ASIC2: variants seen among roughly 807,000 people sequenced by gnomAD.
ASIC2 encodes the protein acid-sensing ion channel 2.
ASIC2 carries 25 observed loss-of-function variants against 57.3 expected under a neutral mutation model. The observed-to-expected ratio is 0.44, with a 90% CI of 0.32 to 0.61. ASIC2 has a LOEUF of 0.61. Among genes scored for constraint, ASIC2 ranks in the 20% least tolerant of loss-of-function variants. ASIC2 has a pLI of 0.06. For missense variants in ASIC2, 641 were observed against 738.1 expected, an observed-to-expected ratio of 0.87 and a Z score of 1.52; for synonymous variants, 319 against 307.5, an observed-to-expected ratio of 1.04 and a Z score of -0.39.
chr17:33,861,078 G>C (rs1466098141), intron 1 of ASIC2, among the ~76,000 whole-genome samples: 1 of 152,072 alleles, frequency 6.6e-6, no homozygotes, highest in South Asian at 2.1e-4. Flanking sequence ...AATAATTCTT[G>C]AAAAGAAAGT....
chr17:34,120,788 G>C (rs1911595488), intron 1 of ASIC2, among the ~76,000 whole-genome samples: 1 of 140,928 alleles, frequency 7.1e-6, no homozygotes, highest in South Asian at 2.4e-4. Flanking sequence ...ACCCAGGCTG[G>C]AGTACAATGG....
chr17:33,756,196 A>G (rs1476876710), intron 1 of ASIC2, among the ~76,000 whole-genome samples: 1 of 152,246 alleles, frequency 6.6e-6, no homozygotes, highest in Non-Finnish European at 1.5e-5. Flanking sequence ...ACCACAGGTC[A>G]TCAATGTCTC....
intron 1 of ASIC2, among the ~76,000 whole-genome samples, chr17:33,223,582 G>C (rs1366166261): frequency 6.6e-6 from 1 of 152,244 alleles, no homozygotes; most frequent in African/African-American, 2.4e-5. Flanking sequence ...AAATTAATTA[G>C]TGTACTTTGT....
intron 1 of ASIC2, among the ~76,000 whole-genome samples, chr17:33,813,161 G>A (rs917750544): frequency 6.6e-6 from 1 of 152,122 alleles, no homozygotes; most frequent in Admixed American, 6.5e-5. Context: ...AAGGCCTGTA[G>A]AAATTAGATT....
chr17:33,163,611 C>T (rs992441311), intron 1 of ASIC2, among the ~76,000 whole-genome samples: 10 of 152,046 alleles, frequency 6.6e-5, no homozygotes, highest in Non-Finnish European at 1.3e-4. Flanking sequence ...AACAAGTGTT[C>T]GTTGTACATT....
intron 1 of ASIC2, among the ~76,000 whole-genome samples, chr17:34,030,785 C>A (rs2142036605): frequency 6.6e-6 from 1 of 152,290 alleles, no homozygotes; most frequent in South Asian, 2.1e-4. Flanking sequence ...GATCAAACTG[C>A]AAGGCAGCAG....
chr17:33,449,418 C>T (rs2141989167), intron 1 of ASIC2, among the ~76,000 whole-genome samples: 1 of 152,274 alleles, frequency 6.6e-6, no homozygotes, highest in East Asian at 1.9e-4. Context: ...GTAGCTTCTC[C>T]ATCAAGATGT....
chr17:33,097,957 G>C (rs894307103), intron 2 of ASIC2, among the ~76,000 whole-genome samples: 2 of 152,152 alleles, frequency 1.3e-5, no homozygotes, highest in African/African-American at 4.8e-5. Flanking sequence ...AGGAAAACAC[G>C]GGCTCTGAAA....
intron 1 of ASIC2, among the ~76,000 whole-genome samples, chr17:33,376,904 C>CCGG (rs1909298505): frequency 6.6e-6 from 1 of 152,184 alleles, no homozygotes; most frequent in East Asian, 1.9e-4. Context: ...TCAATTCTCA[C>CCGG]AATCACCCCG....
intron 1 of ASIC2, among the ~76,000 whole-genome samples, chr17:33,194,644 GGGATATCAATCTGTTATTCCC>G (rs1906556126): frequency 3.0e-5 from 4 of 134,360 alleles, no homozygotes; most frequent in Non-Finnish European, 6.4e-5. Context: ...TTTCCAGATT[GGGATATCAATCTGTTATTCCC>G]AGATTGGGAA....
Position 34,156,629 on chromosome 17 carries a change from G to C in ASIC2, c.-97C>G, listed in dbSNP as rs1266974849. ...CTCTGCTTAAACCTTGACGTTCAGG[G>C]GAGAGAACGCAAGGCAAGCATCGCG... On this transcript the variant is annotated 5_prime_UTR_variant, in exon 1 of 10. Coordinates refer to the ASIC2 transcript ENST00000359872. This position sits in a 1 kb window ranked among gnomAD's most constrained non-coding sequence, Gnocchi z 4.4. 2.3e-6 allele frequency: 3 copies of C among 1,310,844 alleles called. No homozygotes were observed. The African/African-American group carries it at 4.5e-5, about 19-fold the overall frequency. The allele number at this position is 1,310,844 out of a possible 1,614,324, so 81.2% of individuals were successfully genotyped here.
At chr17:33,390,985 G>A (rs1471865029) in intron 1 of ASIC2, among the ~76,000 whole-genome samples, 1 of 152,218 alleles carries the variant, frequency 6.6e-6, no homozygotes, top group East Asian at 1.9e-4. Context: ...GCTGCATGCT[G>A]CTTTCTCCAG....
chr17:33,885,043 A>G (rs1914796997), intron 1 of ASIC2, among the ~76,000 whole-genome samples: 1 of 152,088 alleles, frequency 6.6e-6, no homozygotes, highest in African/African-American at 2.4e-5. Context: ...AGCCTCATCT[A>G]TTTTTGCCCT....
At chr17:33,979,686 G>A (rs989790699) in intron 1 of ASIC2, among the ~76,000 whole-genome samples, 1 of 152,172 alleles carries the variant, frequency 6.6e-6, no homozygotes, top group Non-Finnish European at 1.5e-5. Flanking sequence ...CAGAGCTAGA[G>A]TGAACCATGT....
At chr17:33,092,044 G>A (rs548666116) in intron 2 of ASIC2, among the ~76,000 whole-genome samples, 2 of 152,198 alleles carry the variant, frequency 1.3e-5, no homozygotes. Flanking sequence ...CAGAGCTGAG[G>A]GGGTGACGAG....
intron 1 of ASIC2, among the ~76,000 whole-genome samples, chr17:33,119,028 G>T (rs568533471): frequency 6.6e-6 from 1 of 152,148 alleles, no homozygotes; most frequent in East Asian, 1.9e-4. Flanking sequence ...ACGGTTTTCT[G>T]GTCCAATTAA....
chr17:33,035,113 C>T (rs1296530481), intron 3 of ASIC2, among the ~76,000 whole-genome samples: 1 of 152,082 alleles, frequency 6.6e-6, no homozygotes, highest in Non-Finnish European at 1.5e-5. Flanking sequence ...CTATTGATTC[C>T]ATGCAACAAT....
chr17:33,203,722 G>A (rs976274281), intron 1 of ASIC2, among the ~76,000 whole-genome samples: 4 of 152,074 alleles, frequency 2.6e-5, no homozygotes, highest in Admixed American at 6.5e-5. Flanking sequence ...CATAGTACAG[G>A]CTCACTCCTC....
chr17:33,589,630 T>C (rs1904763946), intron 1 of ASIC2, among the ~76,000 whole-genome samples: 2 of 152,236 alleles, frequency 1.3e-5, no homozygotes, highest in South Asian at 4.1e-4. Flanking sequence ...TTTATCTTTC[T>C]GTGTCTGGCT....
Sources: gnomAD v4.1 joint callset for allele counts (sites outside exome capture counted in the v4.1 genomes callset) on GRCh38, gnomAD v4.1.1 for gene constraint, Gnocchi (gnomAD v3.1) non-coding constraint, MANE v1.5 for transcripts, NCBI Gene and HGNC (gene_info 2026-07-23, HGNC 2026-07-21) for gene names.